Variants in PLD1 observed in about 807,000 individuals in gnomAD.
PLD1 encodes phospholipase D1.
A neutral mutation model predicts 137.1 loss-of-function variants in PLD1; 112 were observed. The ratio of observed to expected loss-of-function variants is 0.82; its 90% CI spans 0.70 to 0.96. The LOEUF is 0.96. Ranked by LOEUF, PLD1 falls within the 40% of genes least tolerant of loss-of-function variation. The probability of loss-of-function intolerance (pLI) is 0.00; values close to 1 mark genes in which losing one functional copy is unlikely to be tolerated. For synonymous variants in PLD1, 431 were observed against 454.7 expected (o/e 0.95, Z 0.66); for missense variants, 1,321 against 1,342.0 (o/e 0.98, Z 0.24).
At chr3:171,775,178 GAT>G (rs573770795) in intron 1 of PLD1, among the ~76,000 whole-genome samples, 88 of 150,250 alleles carry the variant, frequency 5.9e-4, no homozygotes, top group African/African-American at 2.2e-3. Context: ...TGTCATCAAA[GAT>G]ATTTTCTTTG....
intron 18 of PLD1, among the ~76,000 whole-genome samples, chr3:171,675,921 C>A (rs1713302690): frequency 6.6e-6 from 1 of 150,948 alleles, no homozygotes; most frequent in Admixed American, 6.6e-5. Context: ...CAGCTCACTG[C>A]AAACTCCGCC....
chr3:171,632,020 A>G (rs996191021), intron 23 of PLD1, among the ~76,000 whole-genome samples: 1 of 152,158 alleles, frequency 6.6e-6, no homozygotes, highest in Admixed American at 6.5e-5. Flanking sequence ...ATTAATTATG[A>G]AGGGAAAAAT....
chr3:171,703,542 A>G (rs961598913), intron 11 of PLD1, among the ~76,000 whole-genome samples: 8 of 152,234 alleles, frequency 5.3e-5, no homozygotes, highest in Non-Finnish European at 7.3e-5. Flanking sequence ...TTCTGTATGG[A>G]AAATGAATTT....
intron 4 of PLD1, 65 bp from the exon 5 acceptor site, chr3:171,735,035 G>T: frequency 1.1e-6 from 1 of 878,364 alleles, no homozygotes; most frequent in Non-Finnish European, 1.9e-6. Flanking sequence ...ACTTTAGTAT[G>T]TCTTTCATGA....
chr3:171,783,790 G>A (rs570580284), intron 1 of PLD1, among the ~76,000 whole-genome samples: 108 of 152,138 alleles, frequency 7.1e-4, no homozygotes, highest in African/African-American at 2.2e-3. Flanking sequence ...CTACAGGCAC[G>A]CACCATCACA....
chr3:171,698,566 T>C (rs1322614646), intron 12 of PLD1, among the ~76,000 whole-genome samples: 6 of 151,876 alleles, frequency 4.0e-5, no homozygotes, highest in African/African-American at 1.2e-4. Flanking sequence ...ATGCAGAGGA[T>C]AGGAAAGAAG....
intron 11 of PLD1, among the ~76,000 whole-genome samples, chr3:171,700,053 T>TCTCTCC (rs1553825673): frequency 6.6e-5 from 10 of 150,932 alleles, no homozygotes; most frequent in African/African-American, 2.5e-4. Flanking sequence ...TCTCTCTCTC[T>TCTCTCC]CCCCCCTCTT....
chr3:171,805,104 C>T (rs796926749), intron 1 of PLD1, among the ~76,000 whole-genome samples: 1 of 152,206 alleles, frequency 6.6e-6, no homozygotes, highest in South Asian at 2.1e-4. Flanking sequence ...CCTCAGAAGT[C>T]TCTCTCTCTC....
intron 1 of PLD1, among the ~76,000 whole-genome samples, chr3:171,799,246 G>A (rs1723550250): frequency 6.8e-6 from 1 of 147,302 alleles, no homozygotes; most frequent in Admixed American, 7.1e-5. Flanking sequence ...GGCTAAGGCA[G>A]GAGAATTGCT....
Position 171,709,606 on chromosome 3 carries a change from G to C in PLD1, c.1015C>G (p.Arg339Gly), listed in dbSNP as rs768945976. 1.9e-6 allele frequency: 3 copies of C among 1,613,846 alleles called. No individual in the cohort carries two copies. In the East Asian group the frequency reaches 6.7e-5, roughly 36 times the overall value. Reference sequence around the variant, plus strand: ...TGGATAGCAGCATATGACCCAAATCGATGATCTTTGAGAAAGTTGGTGCCA... The same window carrying C: ...TGGATAGCAGCATATGACCCAAATCCATGATCTTTGAGAAAGTTGGTGCCA... ...KHGTNFLKDHRFGSYAAIQEN... is the reference protein window; with the variant it reads ...KHGTNFLKDHGFGSYAAIQEN... Residue 339 changes from arginine to glycine, a missense_variant, in exon 10 of 27, where the codon CGA becomes GGA. Arg to Gly is a moderately radical substitution (Grantham distance 125). Coordinates refer to ENST00000351298, the MANE Select transcript of PLD1 (RefSeq NM_002662.5).
intron 7 of PLD1, 73 bp from the exon 8 acceptor site, chr3:171,724,861 A>C: frequency 2.4e-6 from 2 of 843,826 alleles, no homozygotes; most frequent in Non-Finnish European, 4.1e-6. Context: ...GCCTCCCAAC[A>C]TGGGACTAAA....
intron 1 of PLD1, among the ~76,000 whole-genome samples, chr3:171,796,384 G>A (rs986347766): frequency 6.6e-6 from 1 of 152,206 alleles, no homozygotes; most frequent in African/African-American, 2.4e-5. Flanking sequence ...GGGAGGAAGA[G>A]TAAGTCAACA....
chr3:171,792,773 C>T (rs555166205), intron 1 of PLD1: 2 of 447,442 alleles, frequency 4.5e-6, no homozygotes, highest in East Asian at 1.4e-4. Flanking sequence ...ACCCTCCCCC[C>T]AGATTTGCAA....
At chr3:171,669,583 G>A (rs2108459053) in intron 19 of PLD1, among the ~76,000 whole-genome samples, 2 of 152,254 alleles carry the variant, frequency 1.3e-5, no homozygotes, top group Middle Eastern at 3.4e-3. Flanking sequence ...TGTATTTTTA[G>A]TAGGACGGGG....
intron 21 of PLD1, among the ~76,000 whole-genome samples, chr3:171,652,977 C>T (rs953565642): frequency 6.6e-6 from 1 of 151,992 alleles, no homozygotes; most frequent in South Asian, 2.1e-4. Flanking sequence ...GCTTACCATT[C>T]GAAAATTTCT....
intron 8 of PLD1, among the ~76,000 whole-genome samples, chr3:171,714,396 G>A (rs1254126534): frequency 2.0e-5 from 3 of 152,188 alleles, no homozygotes; most frequent in Non-Finnish European, 4.4e-5. Context: ...CATTTACAGT[G>A]AATGCAAATG....
chr3:171,662,079 C>T lies in PLD1; in HGVS notation c.2321G>A (p.Arg774Lys). ...ACTTACTTCGATATAGATATAGTGC[C>T]TGCTGTTCTCTATCACATGGACGTA... is the stretch of plus-strand genomic sequence containing the variant. ...AAYVHVIENS[R>K]HYIYIENQFF... The change falls in exon 20 of 27, where the codon AGG becomes AAG. Residue 774 changes from arginine to lysine, a missense_variant. Transcript: ENST00000351298. 1 of 1,600,670 alleles carries T rather than the reference C, an allele frequency of 6.2e-7. No individual in the cohort carries two copies. The highest frequency in any genetic ancestry group is 8.6e-7 in the Non-Finnish European group (1 of 1,167,778).
chr3:171,691,736 C>G (rs1367017262), intron 13 of PLD1, among the ~76,000 whole-genome samples: 1 of 152,042 alleles, frequency 6.6e-6, no homozygotes, highest in East Asian at 1.9e-4. Flanking sequence ...TTTTTTCTAA[C>G]CAAGTGAAAC....
At chr3:171,726,145 A>C in intron 6 of PLD1, 69 bp from the exon 7 acceptor site, 1 of 985,328 alleles carries the variant, frequency 1.0e-6, no homozygotes, top group Non-Finnish European at 1.6e-6. Flanking sequence ...AAAAACATGT[A>C]TTAGGTATAG....
Sources: allele counts gnomAD v4.1 joint callset (sites outside exome capture counted in the v4.1 genomes callset), GRCh38; gene constraint gnomAD v4.1.1; transcripts MANE v1.5; gene names NCBI Gene and HGNC (gene_info 2026-07-23, HGNC 2026-07-21).